Variants in CCZ1 observed in about 807,000 individuals in gnomAD.
The protein encoded by CCZ1 is vacuolar fusion protein CCZ1 homolog.
In CCZ1, 19 loss-of-function variants were observed where a neutral mutation model predicts 57.8. The observed-to-expected ratio is 0.33, with a 90% CI of 0.23 to 0.48. CCZ1 has a LOEUF of 0.48. Ranked by LOEUF, CCZ1 falls within the 20% of genes least tolerant of loss-of-function variation. CCZ1 has a pLI of 0.99. For synonymous variants in CCZ1, 81 were observed against 167.0 expected (o/e 0.49, Z 3.97); for missense variants, 200 against 492.0 (o/e 0.41, Z 5.61).
chr7:5,921,012 T>G (rs1484355855), intron 12 of CCZ1, among the ~76,000 whole-genome samples: 1 of 92,344 alleles, frequency 1.1e-5, no homozygotes. Context: ...TGTGCAATGG[T>G]CTGTTCTCAG....
At chr7:5,904,314 G>A (rs1290190106) in intron 6 of CCZ1, among the ~76,000 whole-genome samples, 1 of 142,406 alleles carries the variant, frequency 7.0e-6, no homozygotes, top group Non-Finnish European at 1.5e-5. Context: ...TCAAACTCCT[G>A]ACCTCAAGTG....
chr7:5,909,180 A>C (rs1172957067), intron 7 of CCZ1, among the ~76,000 whole-genome samples: 1 of 148,280 alleles, frequency 6.7e-6, no homozygotes, highest in Non-Finnish European at 1.5e-5. Flanking sequence ...GGTCAGGATA[A>C]AGTTCCAGTG....
At chr7:5,909,225 C>T (rs1369448793) in intron 7 of CCZ1, among the ~76,000 whole-genome samples, 1 of 148,272 alleles carries the variant, frequency 6.7e-6, no homozygotes, top group Non-Finnish European at 1.5e-5. Flanking sequence ...CCTTCCTTAA[C>T]TTCGCAGTCA....
chr7:5,901,778 G>T, intron 5 of CCZ1, 74 bp downstream of exon 5: 1 of 1,563,434 alleles, frequency 6.4e-7, no homozygotes, highest in Non-Finnish European at 8.7e-7. Context: ...GTTGTTTAAA[G>T]AGAAATCTGT....
At chr7:5,904,624 G>A (rs1562538852) in intron 6 of CCZ1, among the ~76,000 whole-genome samples, 2 of 146,830 alleles carry the variant, frequency 1.4e-5, no homozygotes, top group Admixed American at 6.7e-5. Context: ...CGAGTCAGGA[G>A]ATTGAGACCA....
At chr7:5,914,166 G>A (rs1442549747) in intron 10 of CCZ1, among the ~76,000 whole-genome samples, 2 of 147,888 alleles carry the variant, frequency 1.4e-5, no homozygotes, top group Non-Finnish European at 3.0e-5. Flanking sequence ...AAATTGAAAT[G>A]GGCCAGGTGC....
intron 6 of CCZ1, among the ~76,000 whole-genome samples, chr7:5,903,342 A>G (rs1781727649): frequency 7.0e-6 from 1 of 143,388 alleles, no homozygotes; most frequent in Non-Finnish European, 1.5e-5. Context: ...TGTTTTGCCC[A>G]GGCTGGTTTC....
chr7:5,907,492 A>G (rs1263061503), intron 7 of CCZ1, among the ~76,000 whole-genome samples: 1 of 148,080 alleles, frequency 6.8e-6, no homozygotes. Context: ...TCTCTGGGAC[A>G]GAACACAAGC....
chr7:5,902,161 C>T, intron 5 of CCZ1: 1 of 179,904 alleles, frequency 5.6e-6, no homozygotes, highest in Non-Finnish European at 1.1e-5. Context: ...AGCCAGGTAT[C>T]ATGGTGCATG....
chr7:5,901,575 A>C (rs1185690507), intron 4 of CCZ1, 82 bp from the exon 5 acceptor site: 1 of 1,511,990 alleles, frequency 6.6e-7, no homozygotes, highest in Non-Finnish European at 8.9e-7. Flanking sequence ...TTTGGCCAAG[A>C]GTTAGTGTAC....
chr7:5,911,824 T>C (rs1779046163), intron 8 of CCZ1, 37 bp from the exon 9 acceptor site: 25 of 1,420,278 alleles, frequency 1.8e-5, no homozygotes, highest in Non-Finnish European at 2.0e-5. Flanking sequence ...AAATAAAAAG[T>C]CTGATAAGTC....
intron 7 of CCZ1, among the ~76,000 whole-genome samples, chr7:5,905,989 C>T (rs1186171724): frequency 2.8e-5 from 4 of 143,380 alleles, no homozygotes; most frequent in Non-Finnish European, 4.5e-5. Flanking sequence ...GCGATCCACC[C>T]GCCTCAGCCT....
At position 5,908,881 on chromosome 7, in the gene CCZ1, G is replaced by A. The variant is rs372027608; in HGVS notation, c.699-1154G>A. ...TTTCTCCTCCTCCTCTTTCTTCACCGAAGATCCGGAGAATTAAAATCCATG... is the reference window on the plus strand; with the variant it reads ...TTTCTCCTCCTCCTCTTTCTTCACCAAAGATCCGGAGAATTAAAATCCATG... On this transcript the variant is annotated intron_variant, in intron 7 of 14. Transcript: ENST00000325974. 1.7e-3 allele frequency among the ~76,000 whole-genome samples: 253 copies of A among 146,924 alleles called. 4 individuals carry two copies. The highest frequency in any genetic ancestry group is 6.0e-3 in the African/African-American group (238 of 39,414).
At chr7:5,920,093 C>CG (rs1779208602) in intron 12 of CCZ1, 127 bp downstream of exon 12, 1 of 1,341,258 alleles carries the variant, frequency 7.5e-7, no homozygotes, top group Admixed American at 1.9e-5. Context: ...GATGGTGCTA[C>CG]GTGCCATTCA....
chr7:5,911,906 C>T lies in CCZ1; in HGVS notation c.826C>T (p.Leu276Phe). Reference sequence around the variant, plus strand: ...AATAAGAGCAGAAATGCCAGGAAATCTTCAACACTATGGAAGGTAGGACTT... The same window carrying T: ...AATAAGAGCAGAAATGCCAGGAAATTTTCAACACTATGGAAGGTAGGACTT... ...SPIRAEMPGN[L>F]QHYGRFLTGP... The change falls in exon 9 of 15, where the codon CTT (leucine) becomes TTT (phenylalanine). Residue 276 changes from leucine to phenylalanine, a missense_variant. Physicochemically the swap from Leu to Phe is conservative, Grantham distance 22 (BLOSUM62 0). This residue lies in a region of CCZ1 where 128 missense variants were observed against 178.4 expected (regional missense o/e 0.72). Transcript: ENST00000325974. 6.3e-7 allele frequency: 1 copy of T among 1,587,508 alleles called. No homozygotes were observed.
Position 5,911,898 on chromosome 7 carries a change from C to T in CCZ1, c.818C>T (p.Pro273Leu). The part of the protein sequence containing the change: ...GRDSPIRAEM[P>L]GNLQHYGRFL... The stretch of plus-strand genomic sequence containing the variant: ...GATTCTCCAATAAGAGCAGAAATGC[C>T]AGGAAATCTTCAACACTATGGAAGG... The change falls in exon 9 of 15, where the codon CCA becomes CTA. Residue 273 changes from proline to leucine, a missense_variant. Physicochemically the swap from Pro to Leu is moderately conservative, Grantham distance 98. Coordinates refer to ENST00000325974, the MANE Select transcript of CCZ1 (RefSeq NM_015622.6). 1 of 1,587,344 alleles carries T rather than the reference C, an allele frequency of 6.3e-7. No individual in the cohort carries two copies.
At chr7:5,907,813 C>A (rs3094962) in intron 7 of CCZ1, among the ~76,000 whole-genome samples, 3,458 of 10,538 alleles carry the variant, frequency 0.33, 1,014 homozygotes, top group Middle Eastern at 0.8. Flanking sequence ...AACCTTCAAG[C>A]AAAACAGGCG....
In CCZ1 at chr7:5,902,922, T is replaced by C. The variant is rs569876492; in HGVS notation, c.522+178T>C. ...GAGGAAACGCATGAGGCTTGTGCTC[T>C]GGAACCTTCCCTCCAGCTGTGGTGT... On this transcript the variant is annotated intron_variant, in intron 6 of 14. Transcript: ENST00000325974. Among the ~76,000 whole-genome samples the C allele has an allele frequency of 1.4e-3, 215 of 148,956 alleles. 13 individuals are homozygous for C. The highest frequency in any genetic ancestry group is 5.2e-3 in the African/African-American group (208 of 40,334).
chr7:5,903,360 C>G (rs1309823836), intron 6 of CCZ1, among the ~76,000 whole-genome samples: 2 of 144,128 alleles, frequency 1.4e-5, no homozygotes, highest in Non-Finnish European at 3.0e-5. Flanking sequence ...TTCAAGCGAT[C>G]TTCCCTCCTT....
Sources: allele counts gnomAD v4.1 joint callset (sites outside exome capture counted in the v4.1 genomes callset), GRCh38; gene constraint gnomAD v4.1.1; regional missense constraint gnomAD v4.1.1; transcripts MANE v1.5; gene names NCBI Gene and HGNC (gene_info 2026-07-23, HGNC 2026-07-21).